The following GDF1 variants were observed in gnomAD, a reference collection of about 807,000 sequenced individuals.
The protein encoded by GDF1 is embryonic growth/differentiation factor 1.
GDF1 carries 8 observed loss-of-function variants against 7.4 expected under a neutral mutation model. The ratio of observed to expected loss-of-function variants is 1.09; its 90% CI spans 0.64 to 1.96. The LOEUF (loss-of-function observed/expected upper bound fraction) is 1.96. Among genes scored for constraint, GDF1 ranks in the 30% most tolerant of loss-of-function variants. The pLI is 0.00. For missense variants in GDF1, 574 were observed against 551.5 expected, an observed-to-expected ratio of 1.04 and a Z score of -0.41; for synonymous variants, 311 against 276.7, an observed-to-expected ratio of 1.12 and a Z score of -1.23.
rs183768983 is a variant in GDF1 at position 18,884,597 on chromosome 19, C to T, written c.-913-330G>A. Among the ~76,000 whole-genome samples, 385 of 150,968 alleles carry T rather than the reference C, an allele frequency of 2.6e-3. 4 individuals carry two copies. The highest frequency in any genetic ancestry group is 8.7e-3 in the African/African-American group (359 of 41,190). ...TAATTTTTTGTATTTTTAGTAGAGA[C>T]GGGGTTTCACTGTGTTACCCAGGAT... On this transcript the variant is annotated intron_variant, in intron 2 of 7. Coordinates refer to ENST00000247005, the MANE Select transcript of GDF1 (RefSeq NM_001492.6).
chr19:18,888,905 T>C (rs2056428227), intron 2 of GDF1, among the ~76,000 whole-genome samples: 1 of 149,562 alleles, frequency 6.7e-6, no homozygotes, highest in African/African-American at 2.5e-5. Context: ...TTTTTTTTTT[T>C]TTTTGAGACA....
Position 18,878,488 on chromosome 19 carries a change from A to G in GDF1, c.-313+442T>C. 1 of 996,500 alleles carries G rather than the reference A, an allele frequency of 1.0e-6. No homozygotes were observed. The highest frequency in any genetic ancestry group is 1.2e-6 in the Non-Finnish European group (1 of 836,110). The allele number at this position is 996,500 out of a possible 1,614,324, so 61.7% of individuals were successfully genotyped here. Reference sequence around the variant, plus strand: ...CTCAGAGGCCAGGATGTCTCGGCCCAGATGGAGCCTGGGTTCTCTCTGTGG... The same window carrying G: ...CTCAGAGGCCAGGATGTCTCGGCCCGGATGGAGCCTGGGTTCTCTCTGTGG... On this transcript the variant is annotated intron_variant, in intron 6 of 7. Coordinates refer to ENST00000247005, the MANE Select transcript of GDF1 (RefSeq NM_001492.6). This position sits in a 1 kb window ranked among gnomAD's most constrained non-coding sequence, Gnocchi z 4.6.
intron 3 of GDF1, chr19:18,882,989 C>A (rs1193828458): frequency 6.6e-6 from 1 of 152,210 alleles, no homozygotes; most frequent in Non-Finnish European, 1.5e-5. Flanking sequence ...CCGCACTCAG[C>A]CTAAAAATTT....
intron 2 of GDF1, among the ~76,000 whole-genome samples, chr19:18,884,577 T>G (rs978727249): frequency 4.0e-5 from 6 of 151,816 alleles, no homozygotes; most frequent in Non-Finnish European, 8.8e-5. Context: ...CCGGCTAATT[T>G]TTTGTATTTT....
intron 1 of GDF1, among the ~76,000 whole-genome samples, chr19:18,894,051 C>T (rs1161351632): frequency 7.0e-6 from 1 of 143,684 alleles, no homozygotes; most frequent in Non-Finnish European, 1.5e-5. Flanking sequence ...TCTGGAGAGG[C>T]TAGAGGGCTG....
Position 18,870,304 on chromosome 19 carries a change from G to T in GDF1, c.4C>A (p.Pro2Thr). The T allele has an allele frequency of 6.5e-7, 1 of 1,545,820 alleles. No individual in the cohort carries two copies. The change falls in exon 7 of 8, where the codon CCA becomes ACA. Residue 2 changes from proline (P) to threonine (T), a missense_variant. Transcript: ENST00000247005. The surrounding 1 kb of genome is among the most constrained non-coding windows in gnomAD (Gnocchi z 5.1). M[P>T]PPQQGPCGHH... ...CCGCAGGGACCTTGCTGCGGCGGTG[G>T]CATCTTCCTCCCAGGCGATGACCAG...
chr19:18,889,131 A>G (rs1261075991), intron 2 of GDF1, among the ~76,000 whole-genome samples: 1 of 151,838 alleles, frequency 6.6e-6, no homozygotes, highest in Non-Finnish European at 1.5e-5. Flanking sequence ...GCCTCAAGTG[A>G]TCCGCCCACC....
intron 1 of GDF1, among the ~76,000 whole-genome samples, chr19:18,894,542 T>C (rs2056578077): frequency 1.3e-5 from 2 of 151,976 alleles, no homozygotes; most frequent in Non-Finnish European, 2.9e-5. Context: ...TCGGCCCTGG[T>C]AGTCTACCAG....
chr19:18,870,029 C>A lies in GDF1; in HGVS notation c.279G>T (p.Glu93Asp). The A allele has an allele frequency of 6.3e-7, 1 of 1,597,636 alleles. No individual in the cohort carries two copies. The highest frequency in any genetic ancestry group is 8.5e-7 in the Non-Finnish European group (1 of 1,174,528). Residue 93 changes from glutamate to aspartate, a missense_variant, in exon 7 of 8, where the codon GAG (glutamate) becomes GAT (aspartate). Glu to Asp is a conservative substitution (Grantham distance 45). Coordinates refer to ENST00000247005, the MANE Select transcript of GDF1 (RefSeq NM_001492.6). The surrounding 1 kb of genome is among the most constrained non-coding windows in gnomAD (Gnocchi z 5.1). Reference protein sequence around the residue: ...PGVTLQPCHVEELGVAGNIVR... With the variant: ...PGVTLQPCHVDELGVAGNIVR... ...CGATGTTTCCGGCGACCCCCAGCTC[C>A]TCCACGTGGCACGGTTGCAGGGTGA...
At chr19:18,886,780 T>C (rs2056371857) in intron 2 of GDF1, among the ~76,000 whole-genome samples, 1 of 152,164 alleles carries the variant, frequency 6.6e-6, no homozygotes, top group South Asian at 2.1e-4. Context: ...GAACCGCCTC[T>C]GCGACAACTT....
At chr19:18,894,107 G>A (rs1319761503) in intron 1 of GDF1, among the ~76,000 whole-genome samples, 1 of 151,332 alleles carries the variant, frequency 6.6e-6, no homozygotes, top group Non-Finnish European at 1.5e-5. Context: ...GAACCTGGGG[G>A]CGATGAAAGG....
chr19:18,889,428 G>A (rs1370399051), intron 2 of GDF1, among the ~76,000 whole-genome samples: 2 of 151,832 alleles, frequency 1.3e-5, no homozygotes, highest in East Asian at 1.9e-4. Flanking sequence ...CCTCTCCCTC[G>A]TTTTTTGAGA....
chr19:18,889,780 C>A (rs2056448358), intron 2 of GDF1, among the ~76,000 whole-genome samples: 2 of 152,050 alleles, frequency 1.3e-5, no homozygotes, highest in Non-Finnish European at 2.9e-5. Context: ...ACACTCAATG[C>A]CACCCCTGCC....
Position 18,870,355 on chromosome 19 carries a change from C to G in GDF1, c.-48G>C, listed in dbSNP as rs900657811. 6.5e-6 allele frequency: 10 copies of G among 1,538,646 alleles called. No homozygotes were observed. The highest frequency in any genetic ancestry group is 3.9e-5 in the Admixed American group (2 of 50,682). ...AGAGTGCGCAGGGTCCGCGGCGGCC[C>G]GGGACCAGTGGGCTGAGGGCGGGGC... is the stretch of plus-strand genomic sequence containing the variant. On this transcript the variant is annotated 5_prime_UTR_variant, in exon 7 of 8. Transcript: ENST00000247005. This position sits in a 1 kb window ranked among gnomAD's most constrained non-coding sequence, Gnocchi z 5.1.
At chr19:18,869,672 G>A (rs1601145187) in intron 7 of GDF1, among the ~76,000 whole-genome samples, 2 of 140,812 alleles carry the variant, frequency 1.4e-5, no homozygotes, top group South Asian at 4.8e-4. Flanking sequence ...GGCCCCTGGG[G>A]AAGCCATGCT....
chr19:18,876,833 G>A (rs118018762), intron 6 of GDF1, among the ~76,000 whole-genome samples: 21 of 152,308 alleles, frequency 1.4e-4, no homozygotes, highest in Non-Finnish European at 2.8e-4. Flanking sequence ...CGACATTGGT[G>A]CTTTGCTATT....
In GDF1 at chr19:18,887,438, GAAC is replaced by G. The variant is rs1006356435; in HGVS notation, c.-913-3174_-913-3172del. 3.9e-5 allele frequency among the ~76,000 whole-genome samples: 6 copies of G among 152,268 alleles called. No homozygotes were observed. The East Asian group carries it at 1.2e-3, about 29-fold the overall frequency. On this transcript the variant is annotated intron_variant, in intron 2 of 7. Coordinates refer to ENST00000247005, the MANE Select transcript of GDF1 (RefSeq NM_001492.6). ...CCAGACCTAGACAGAGGGGGTGGTT[GAAC>G]AACACTGTGAATGGACTAAAAGCTG...
At chr19:18,893,205 G>A (rs942400574) in intron 2 of GDF1, among the ~76,000 whole-genome samples, 9 of 151,030 alleles carry the variant, frequency 6.0e-5, no homozygotes, top group East Asian at 2.0e-4. Context: ...GAGCCACTGC[G>A]CCTGGCCCTC....
intron 4 of GDF1, among the ~76,000 whole-genome samples, chr19:18,879,685 A>G (rs1488704176): frequency 3.7e-5 from 2 of 53,848 alleles, no homozygotes; most frequent in East Asian, 8.7e-4. Context: ...GGCCCCACCT[A>G]CCTCACCAAA....
Sources: gnomAD v4.1 joint callset for allele counts (sites outside exome capture counted in the v4.1 genomes callset) on GRCh38, gnomAD v4.1.1 for gene constraint, Gnocchi (gnomAD v3.1) non-coding constraint, MANE v1.5 for transcripts, NCBI Gene and HGNC (gene_info 2026-07-23, HGNC 2026-07-21) for gene names.